PRIM2: variants seen among roughly 807,000 people sequenced by gnomAD.
PRIM2 encodes DNA primase subunit 2.
PRIM2 carries 39 observed loss-of-function variants against 67.3 expected under a neutral mutation model. The ratio of observed to expected loss-of-function variants is 0.58; its 90% CI spans 0.45 to 0.76. The LOEUF (loss-of-function observed/expected upper bound fraction) is 0.76, where lower values mean the gene tolerates loss of function less well. Among genes scored for constraint, PRIM2 ranks in the 30% least tolerant of loss-of-function variants. PRIM2 has a pLI of 0.00. For synonymous variants in PRIM2, 143 were observed against 198.7 expected, an observed-to-expected ratio of 0.72 and a Z score of 2.36; for missense variants, 398 against 598.7, an observed-to-expected ratio of 0.66 and a Z score of 3.50.
chr6:57,536,753 A>G (rs1158111186), intron 9 of PRIM2, among the ~76,000 whole-genome samples: 1 of 152,246 alleles, frequency 6.6e-6, no homozygotes, highest in Non-Finnish European at 1.5e-5. Context: ...ATATGATTCT[A>G]TTATACTCTT....
chr6:57,267,700 G>A, the PRIM2 span, among the ~76,000 whole-genome samples: 1 of 151,352 alleles, frequency 6.6e-6, no homozygotes, highest in Non-Finnish European at 1.5e-5. Context: ...CTTGAGGCCA[G>A]GAGTTAAAGA....
chr6:57,346,619 T>G (rs1030030314), intron 5 of PRIM2, among the ~76,000 whole-genome samples: 8 of 152,120 alleles, frequency 5.3e-5, no homozygotes, highest in African/African-American at 1.9e-4. Flanking sequence ...CGCCCAGCCA[T>G]GTATACATTT....
At chr6:57,227,657 A>G in the PRIM2 span, among the ~76,000 whole-genome samples, 1 of 151,936 alleles carries the variant, frequency 6.6e-6, no homozygotes, top group Non-Finnish European at 1.5e-5. Context: ...AAAAAAAAAA[A>G]AAAAAGAATA....
chr6:57,489,028 T>G (rs1356719438), intron 7 of PRIM2, among the ~76,000 whole-genome samples: 1 of 152,178 alleles, frequency 6.6e-6, no homozygotes, highest in African/African-American at 2.4e-5. Flanking sequence ...ACTCTTTATC[T>G]CTTTATAAGG....
At chr6:57,564,452 C>G (rs1775697587) in intron 10 of PRIM2, among the ~76,000 whole-genome samples, 1 of 152,236 alleles carries the variant, frequency 6.6e-6, no homozygotes, top group South Asian at 2.1e-4. Flanking sequence ...CTCCCTTTGG[C>G]TATTTTTATT....
chr6:57,497,651 G>A (rs1347300470), intron 7 of PRIM2: 1 of 152,194 alleles, frequency 6.6e-6, no homozygotes, highest in Non-Finnish European at 1.5e-5. Flanking sequence ...GCTTGACAAG[G>A]TCGTTGGTTG....
At chr6:57,385,179 G>A (rs4288209) in intron 7 of PRIM2, among the ~76,000 whole-genome samples, 108,705 of 151,952 alleles carry the variant, frequency 0.72, 39,291 homozygotes, top group African/African-American at 0.83. Context: ...AGAAAAGACA[G>A]AACTTGGGTT....
At chr6:57,599,923 G>A in intron 10 of PRIM2, among the ~76,000 whole-genome samples, 1 of 152,206 alleles carries the variant, frequency 6.6e-6, no homozygotes, top group Non-Finnish European at 1.5e-5. Context: ...GAGTAGCTGA[G>A]ATGACAGGTG....
chr6:57,582,382 C>G lies in PRIM2; in HGVS notation c.1021-18711C>G, dbSNP rs1166614260. On this transcript the variant is annotated intron_variant, in intron 10 of 13. Transcript: ENST00000615550. ...TTTTCTCTGAATTTGTACTTCAGTT[C>G]CTTGTCGTGTCCTCAACTTGATAAT... 8.5e-3 allele frequency among the ~76,000 whole-genome samples: 1,295 copies of G among 152,244 alleles called. 18 individuals are homozygous for G. The highest frequency in any genetic ancestry group is 0.03 in the African/African-American group (1,228 of 41,526).
At chr6:57,450,660 A>G (rs1324659531) in intron 7 of PRIM2, among the ~76,000 whole-genome samples, 47 of 152,222 alleles carry the variant, frequency 3.1e-4, no homozygotes, top group African/African-American at 1.1e-3. Context: ...CAAGCTAGCC[A>G]TCATTGGCAG....
At chr6:57,230,406 A>C in the PRIM2 span, among the ~76,000 whole-genome samples, 1 of 152,140 alleles carries the variant, frequency 6.6e-6, no homozygotes, top group Non-Finnish European at 1.5e-5. Flanking sequence ...TGTCAGGACC[A>C]CTGGGGATTC....
chr6:57,404,538 T>C (rs1279046493), intron 7 of PRIM2, among the ~76,000 whole-genome samples: 4 of 150,838 alleles, frequency 2.7e-5, no homozygotes, highest in Non-Finnish European at 4.4e-5. Flanking sequence ...TTAAACTGTA[T>C]ACCTGATAAT....
At chr6:57,384,174 A>G (rs1770056163) in intron 7 of PRIM2, among the ~76,000 whole-genome samples, 1 of 152,176 alleles carries the variant, frequency 6.6e-6, no homozygotes. Flanking sequence ...TCTATATAGC[A>G]TACTATCTGA....
intron 7 of PRIM2, among the ~76,000 whole-genome samples, chr6:57,436,982 G>A (rs1300613952): frequency 6.6e-6 from 1 of 152,102 alleles, no homozygotes; most frequent in Non-Finnish European, 1.5e-5. Flanking sequence ...CTCGAGACTG[G>A]GTAATTTATA....
chr6:57,603,153 A>T (rs1433710468), intron 11 of PRIM2, among the ~76,000 whole-genome samples: 1 of 151,994 alleles, frequency 6.6e-6, no homozygotes, highest in Non-Finnish European at 1.5e-5. Flanking sequence ...TTGGGATTTC[A>T]TTTACACGTT....
At chr6:57,397,127 C>T (rs929765788) in intron 7 of PRIM2, among the ~76,000 whole-genome samples, 3 of 152,102 alleles carry the variant, frequency 2.0e-5, no homozygotes, top group Admixed American at 1.3e-4. Flanking sequence ...CTTTGGATAA[C>T]CTGATGAAAA....
chr6:57,586,533 C>T (rs1169169646), intron 10 of PRIM2, among the ~76,000 whole-genome samples: 1 of 152,164 alleles, frequency 6.6e-6, no homozygotes, highest in Non-Finnish European at 1.5e-5. Context: ...TGGGAGTGGA[C>T]ATGACCCTTG....
chr6:57,276,533 G>A, the PRIM2 span, among the ~76,000 whole-genome samples: 113 of 152,130 alleles, frequency 7.4e-4, no homozygotes, highest in African/African-American at 2.6e-3. Context: ...GTTACTTTTA[G>A]TAAGGGAAAA....
chr6:57,273,313 G>A, the PRIM2 span, among the ~76,000 whole-genome samples: 1 of 152,118 alleles, frequency 6.6e-6, no homozygotes, highest in African/African-American at 2.4e-5. Context: ...TTTCTTGGAG[G>A]CTTTGTTCAT....
Sources: gnomAD v4.1 joint callset for allele counts (sites outside exome capture counted in the v4.1 genomes callset) on GRCh38, gnomAD v4.1.1 for gene constraint, MANE v1.5 for transcripts, NCBI Gene and HGNC (gene_info 2026-07-23, HGNC 2026-07-21) for gene names.